Variants in FOXD4L4 observed in about 807,000 individuals in gnomAD.
FOXD4L4 encodes forkhead box D4 like 4.
Under a neutral mutation model 24.1 loss-of-function variants are expected in FOXD4L4, and 5 were observed. That is an observed-to-expected ratio of 0.21 (90% CI 0.11 to 0.44). FOXD4L4 has a LOEUF of 0.44. FOXD4L4 is among the 20% of genes least tolerant of loss of function. The probability of loss-of-function intolerance (pLI) is 0.99; values close to 1 mark genes in which losing one functional copy is unlikely to be tolerated. For missense variants in FOXD4L4, 128 were observed against 617.5 expected (o/e 0.21, Z 8.40); for synonymous variants, 71 against 276.2 (o/e 0.26, Z 7.37).
exon 1 of FOXD4L4, chr9:65,737,397 A>G (rs1832981282): frequency 6.2e-7 from 1 of 1,607,748 alleles, no homozygotes; most frequent in African/African-American, 1.4e-5. Context: ...GTGACCCTTC[A>G]GAGTTTGGCA....
At chr9:65,737,340 C>T (rs1832979595) in exon 1 of FOXD4L4, 2 of 1,612,220 alleles carry the variant, frequency 1.2e-6, no homozygotes, top group Non-Finnish European at 8.5e-7. Context: ...CCCGGTGGGG[C>T]GGGGTTGCGC....
exon 1 of FOXD4L4, chr9:65,738,027 A>T: frequency 3.1e-6 from 5 of 1,606,732 alleles, no homozygotes; most frequent in Non-Finnish European, 4.2e-6. Context: ...CGACCCCGGC[A>T]CCCTTCCCGT....
At chr9:65,738,103 GC>G in the FOXD4L4 span, 5 of 1,604,286 alleles carry the variant, frequency 3.1e-6, no homozygotes, top group Non-Finnish European at 4.2e-6. Context: ...CCACCGGGAG[GC>G]GGATGCTTCT....
At chr9:65,738,008 C>T in exon 1 of FOXD4L4, 5 of 1,604,744 alleles carry the variant, frequency 3.1e-6, no homozygotes, top group Admixed American at 1.7e-5. Flanking sequence ...GCAGAAGGCG[C>T]GGACCTGGCG....
exon 1 of FOXD4L4, chr9:65,737,944 C>G: frequency 6.2e-7 from 1 of 1,602,840 alleles, no homozygotes; most frequent in African/African-American, 1.4e-5. Context: ...GCACCCGCAT[C>G]CTCTTCGCTA....
exon 1 of FOXD4L4, chr9:65,737,367 C>G: frequency 1.9e-6 from 3 of 1,611,754 alleles, no homozygotes; most frequent in Admixed American, 1.7e-5. Flanking sequence ...GAGAGCACAT[C>G]GAGGGCGGCG....
At chr9:65,737,921 C>T in exon 1 of FOXD4L4, 1 of 1,602,844 alleles carries the variant, frequency 6.2e-7, no homozygotes. Context: ...GGGAGACGCC[C>T]TTACGCTCTG....
At chr9:65,737,920 C>T (rs1245476393) in exon 1 of FOXD4L4, 6 of 1,602,728 alleles carry the variant, frequency 3.7e-6, no homozygotes, top group Non-Finnish European at 5.1e-6. Context: ...CGGGAGACGC[C>T]CTTACGCTCT....
chr9:65,737,360 A>G, exon 1 of FOXD4L4: 1 of 1,612,118 alleles, frequency 6.2e-7, no homozygotes. Flanking sequence ...CTTCCCCGAG[A>G]GCACATCGAG....
chr9:65,737,950 C>G (rs1417486487), exon 1 of FOXD4L4: 2 of 1,602,626 alleles, frequency 1.2e-6, no homozygotes, highest in East Asian at 4.5e-5. Context: ...GCATCCTCTT[C>G]GCTACCTACT....
the FOXD4L4 span, chr9:65,737,381 GC>G: frequency 1.9e-6 from 3 of 1,609,300 alleles, no homozygotes; most frequent in Non-Finnish European, 1.7e-6. Flanking sequence ...GGCGGCGGCG[GC>G]CCGAGTGACC....
At chr9:65,738,065 T>G in exon 1 of FOXD4L4, 1 of 1,606,454 alleles carries the variant, frequency 6.2e-7, no homozygotes, top group South Asian at 1.1e-5. Context: ...GTCCTCAGCC[T>G]TGGGAGGAGG....
chr9:65,737,319 G>T, exon 1 of FOXD4L4: 1 of 1,612,446 alleles, frequency 6.2e-7, no homozygotes, highest in Non-Finnish European at 8.5e-7. Context: ...TCCAGCCGGG[G>T]CTGCAGGTGG....
At position 65,738,075 on chromosome 9, in the gene FOXD4L4, G is replaced by A. The variant is rs1406846863; in HGVS notation, c.930G>A (p.Arg310=). The A allele has an allele frequency of 3.1e-6, 5 of 1,604,460 alleles. 2 individuals are homozygous for A. In the African/African-American group the frequency reaches 7.0e-5, roughly 23 times the overall value. ...ACTTGGTCCTCAGCCTTGGGAGGAG[G>A]GCAAGGGTCTGGCGTCGCCACCGGG... Residue 310 remains arginine (R), a synonymous_variant, in exon 1 of 1, where the codon AGG becomes AGA. Transcript: ENST00000377413.
rs1186319608 is a variant in FOXD4L4, at chr9:65,737,962, C to T, written c.817C>T (p.Leu273Phe). Residue 273 changes from leucine (L) to phenylalanine (F), a missense_variant, in exon 1 of 1, where the codon CTC (leucine) becomes TTC (phenylalanine). Coordinates refer to ENST00000377413, the Ensembl canonical transcript of FOXD4L4. Reference sequence around the variant, plus strand: ...CCCGCATCCTCTTCGCTACCTACTGCTCTCGGCCCGCGTCTATGCCGGGGC... The same window carrying T: ...CCCGCATCCTCTTCGCTACCTACTGTTCTCGGCCCGCGTCTATGCCGGGGC... The T allele has an allele frequency of 6.7e-5, 108 of 1,600,768 alleles. 9 individuals carry two copies. In the African/African-American group the frequency reaches 1.3e-3, roughly 20 times the overall value.
chr9:65,737,467 A>G, exon 1 of FOXD4L4: 1 of 1,610,158 alleles, frequency 6.2e-7, no homozygotes, highest in South Asian at 1.1e-5. Flanking sequence ...GCAGCCGGCA[A>G]AGCCCCCCTA....
chr9:65,737,422 C>G, exon 1 of FOXD4L4: 2 of 1,609,596 alleles, frequency 1.2e-6, no homozygotes, highest in South Asian at 2.2e-5. Flanking sequence ...GTTCAGGGCA[C>G]CGCCAAGGTC....
At chr9:65,737,990 C>T in exon 1 of FOXD4L4, 1 of 1,603,526 alleles carries the variant, frequency 6.2e-7, no homozygotes, top group East Asian at 2.2e-5. Flanking sequence ...GCCGGGGCAC[C>T]GAAGAAAGCA....
exon 1 of FOXD4L4, chr9:65,737,926 G>A: frequency 6.2e-7 from 1 of 1,602,712 alleles, no homozygotes; most frequent in Non-Finnish European, 8.5e-7. Flanking sequence ...ACGCCCTTAC[G>A]CTCTGCTGCA....
Sources: allele counts gnomAD v4.1 joint callset, GRCh38; gene constraint gnomAD v4.1.1; transcripts MANE v1.5; gene names NCBI Gene and HGNC (gene_info 2026-07-23, HGNC 2026-07-21).